HSPG2: variants seen among roughly 807,000 people sequenced by gnomAD.
HSPG2 encodes the protein heparan sulfate proteoglycan 2.
HSPG2 carries 278 observed loss-of-function variants against 526.6 expected under a neutral mutation model. The ratio of observed to expected loss-of-function variants is 0.53; its 90% CI spans 0.48 to 0.58. The LOEUF (loss-of-function observed/expected upper bound fraction) is 0.58, where lower values mean the gene tolerates loss of function less well. Among genes scored for constraint, HSPG2 ranks in the 20% least tolerant of loss-of-function variants. The probability of loss-of-function intolerance (pLI) is 0.00; values close to 1 mark genes in which losing one functional copy is unlikely to be tolerated. For synonymous variants in HSPG2, 2,465 were observed against 2,555.4 expected (o/e 0.96, Z 1.07); for missense variants, 5,354 against 6,099.5 (o/e 0.88, Z 4.07).
At chr1:21,863,378 AAAAGAAAAAG>A (rs1263273494) in intron 37 of HSPG2, among the ~76,000 whole-genome samples, 2 of 152,062 alleles carry the variant, frequency 1.3e-5, no homozygotes, top group African/African-American at 4.8e-5. Flanking sequence ...CTTGAAAAAA[AAAAGAAAAAG>A]AAAAGAAAAA....
intron 9 of HSPG2, among the ~76,000 whole-genome samples, chr1:21,885,894 T>C (rs1572362107): frequency 1.3e-5 from 2 of 152,228 alleles, no homozygotes; most frequent in African/African-American, 4.8e-5. Context: ...CGACGGTCTG[T>C]GCTCCCACTG....
intron 33 of HSPG2, among the ~76,000 whole-genome samples, chr1:21,866,073 C>T (rs932415836): frequency 3.9e-5 from 6 of 152,290 alleles, no homozygotes; most frequent in South Asian, 4.1e-4. Flanking sequence ...CATTGCCTGA[C>T]GGTGCCGGCG....
At chr1:21,896,436 T>G in intron 1 of HSPG2, 126 bp from the exon 2 acceptor site, 1 of 1,182,040 alleles carries the variant, frequency 8.5e-7, no homozygotes, top group Non-Finnish European at 1.2e-6. Flanking sequence ...AAATTTGACT[T>G]AGTATGGCTC....
At chr1:21,835,514 GC>G in intron 76 of HSPG2, 25 bp downstream of exon 76, 1 of 1,496,020 alleles carries the variant, frequency 6.7e-7, no homozygotes. Flanking sequence ...CCTGCTCTTA[GC>G]AGAGGCCTGA....
intron 1 of HSPG2, among the ~76,000 whole-genome samples, chr1:21,897,496 G>A (rs188767456): frequency 1.7e-4 from 26 of 152,042 alleles, no homozygotes; most frequent in South Asian, 4.2e-4. Context: ...CTCTCACGCC[G>A]GGCCCTCTGC....
chr1:21,824,669 A>T lies in HSPG2; in HGVS notation c.12665+35T>A, dbSNP rs555688147. On this transcript the variant is annotated intron_variant, in intron 92 of 96. Coordinates refer to ENST00000374695, the MANE Select transcript of HSPG2 (RefSeq NM_005529.7). The surrounding 1 kb of genome is among the most constrained non-coding windows in gnomAD (Gnocchi z 5.9). ...GAAGTCCCAGATTCCCATCCTCCCC[A>T]TTAGGCCCATGGGCCCTTCCAATGC... The T allele has an allele frequency of 2.5e-6, 4 of 1,613,220 alleles. No individual in the cohort carries two copies. In the African/African-American group the frequency reaches 4.0e-5, roughly 16 times the overall value.
chr1:21,879,907 C>A (rs1311995155), intron 17 of HSPG2, among the ~76,000 whole-genome samples, 200 bp downstream of exon 17: 1 of 152,216 alleles, frequency 6.6e-6, no homozygotes. Flanking sequence ...CCCATCTAGG[C>A]TTCCCAAAGT....
rs372621331 is a variant in HSPG2 at position 21,876,493 on chromosome 1, G to A, written c.2826+19C>T. On this transcript the variant is annotated intron_variant, in intron 22 of 96. Transcript: ENST00000374695. Reference sequence around the variant, plus strand: ...GGCCCAGGGCTTGGCGGTCCTGCCCGCCCACCTTGCAGAGGTACCTGGGCA... The same window carrying A: ...GGCCCAGGGCTTGGCGGTCCTGCCCACCCACCTTGCAGAGGTACCTGGGCA... The A allele has an allele frequency of 3.8e-5, 61 of 1,613,640 alleles. No homozygotes were observed. The highest frequency in any genetic ancestry group is 4.2e-5 in the Non-Finnish European group (50 of 1,179,816).
At chr1:21,926,582 G>C (rs1644197304) in intron 1 of HSPG2, among the ~76,000 whole-genome samples, 1 of 151,916 alleles carries the variant, frequency 6.6e-6, no homozygotes, top group South Asian at 2.1e-4. Context: ...GTGAAAGCCT[G>C]TCTCTACTAA....
Position 21,847,880 on chromosome 1 carries a change from A to G in HSPG2, c.7874-40T>C, listed in dbSNP as rs561622326. ...GTGTGGACCACGCAGCCAGAGTGAG[A>G]TAACAGTGATGGCACCGGGGACCTC... On this transcript the variant is annotated intron_variant, in intron 60 of 96. Transcript: ENST00000374695. The surrounding 1 kb of genome is among the most constrained non-coding windows in gnomAD (Gnocchi z 4.1). The G allele has an allele frequency of 4.8e-5, 77 of 1,613,658 alleles. No individual in the cohort carries two copies. Among genetic ancestry groups the G allele is most frequent in the Non-Finnish European group, 6.2e-5 (73 of 1,180,006 alleles).
chr1:21,872,285 T>G lies in HSPG2; in HGVS notation c.4122A>C (p.Glu1374Asp). Residue 1374 changes from glutamate (E) to aspartate (D), a missense_variant, in exon 33 of 97, where the codon GAA (glutamate) becomes GAC (aspartate). Transcript: ENST00000374695. This position sits in a 1 kb window ranked among gnomAD's most constrained non-coding sequence, Gnocchi z 5.5. ...AGAGCTGGGCACCCTCGGGCACGGG[T>G]TCCACAGTGAATTCTCCTGTCAGGC... Reference protein sequence around the residue: ...NSRLTGEFTVEPVPEGAQLSF... With the variant: ...NSRLTGEFTVDPVPEGAQLSF... The G allele has an allele frequency of 6.4e-7, 1 of 1,564,048 alleles. No individual in the cohort carries two copies. Among genetic ancestry groups the G allele is most frequent in the South Asian group, 1.2e-5 (1 of 84,778 alleles).
intron 76 of HSPG2, chr1:21,835,209 G>T: frequency 1.7e-6 from 1 of 605,338 alleles, no homozygotes. Context: ...CCACAGCCTA[G>T]AATTCATGCG....
chr1:21,859,953 C>T lies in HSPG2; in HGVS notation c.5064G>A (p.Val1688=). 1.2e-6 allele frequency: 2 copies of T among 1,610,852 alleles called. No homozygotes were observed. Among genetic ancestry groups the T allele is most frequent in the Non-Finnish European group, 1.7e-6 (2 of 1,179,452 alleles). ...GCAGGGAGTGGGAGCCACCTTGGGG[C>T]ACTATGCTTCGAGCAGGATGGACCT... ...VVEVHPARSI[V]PQGGSHSLRC... is the part of the protein sequence containing the mutation. Residue 1688 remains valine (V), a synonymous_variant, in exon 41 of 97, where the codon GTG becomes GTA. Coordinates refer to ENST00000374695, the MANE Select transcript of HSPG2 (RefSeq NM_005529.7). The surrounding 1 kb of genome is among the most constrained non-coding windows in gnomAD (Gnocchi z 5.3).
Position 21,847,901 on chromosome 1 carries a change from A to G in HSPG2, c.7873+57T>C, listed in dbSNP as rs1357220304. On this transcript the variant is annotated intron_variant, in intron 60 of 96. Coordinates refer to ENST00000374695, the MANE Select transcript of HSPG2 (RefSeq NM_005529.7). This position sits in a 1 kb window ranked among gnomAD's most constrained non-coding sequence, Gnocchi z 4.1. ...TGAGATAACAGTGATGGCACCGGGG[A>G]CCTCTCTGCCACCCTCTGCGCCACT... 1 of 1,613,354 alleles carries G rather than the reference A, an allele frequency of 6.2e-7. No individual in the cohort carries two copies.
Position 21,860,177 on chromosome 1 carries a change from T to G in HSPG2, c.5014A>C (p.Thr1672Pro). The change falls in exon 40 of 97, where the codon ACA becomes CCA. Residue 1672 changes from threonine (T) to proline (P), a missense_variant and splice_region_variant. Thr to Pro is a conservative substitution (Grantham distance 38). Transcript: ENST00000374695. ...CATCCTGGGCCATGGTCCCACTTAC[T>G]CTCTGGCAGGCACTGGCCCCCTTGC... ...SVQGGQCLPE[T>P]NQAPLVVEVH... is the part of the protein sequence containing the mutation. 3 of 1,613,770 alleles carry G rather than the reference T, an allele frequency of 1.9e-6. No homozygotes were observed. Among genetic ancestry groups the G allele is most frequent in the Non-Finnish European group, 2.5e-6 (3 of 1,179,898 alleles).
At chr1:21,862,487 G>A (rs1261145413) in intron 37 of HSPG2, among the ~76,000 whole-genome samples, 2 of 150,696 alleles carry the variant, frequency 1.3e-5, no homozygotes, top group Non-Finnish European at 2.9e-5. Context: ...AGGAGGCTGA[G>A]GCAGGAGAGT....
At position 21,832,618 on chromosome 1, in the gene HSPG2, C is replaced by A. The variant is rs979441342; in HGVS notation, c.11096-12G>T. On this transcript the variant is annotated splice_polypyrimidine_tract_variant and intron_variant, in intron 80 of 96. Transcript: ENST00000374695. ...GTACAGCAGCATCCCTGGGTGGGCA[C>A]CACTGTGTAAGGGGCCCCCTTCCAG... 3 of 1,610,136 alleles carry A rather than the reference C, an allele frequency of 1.9e-6. No homozygotes were observed. Among genetic ancestry groups the A allele is most frequent in the South Asian group, 1.1e-5 (1 of 90,996 alleles).
rs760435308 is a variant in HSPG2, at chr1:21,838,837, G to A, written c.10138C>T (p.Leu3380=). The A allele has an allele frequency of 1.2e-6, 2 of 1,612,254 alleles. No homozygotes were observed. Among genetic ancestry groups the A allele is most frequent in the African/African-American group, 2.7e-5 (2 of 74,938 alleles). The stretch of plus-strand genomic sequence containing the variant: ...CGGGGCTGCTTACCTTGGACGAGCA[G>A]CTGGGCAAAGGCCTCGGCTGAGCCC... ...KVGSAEAFAQ[L]LVQGPPGSLP... Residue 3380 remains leucine (L), a synonymous_variant, in exon 74 of 97, where the codon CTG becomes TTG. Coordinates refer to ENST00000374695, the MANE Select transcript of HSPG2 (RefSeq NM_005529.7).
At position 21,830,098 on chromosome 1, in the gene HSPG2, G is replaced by A. The variant is rs1572150433; in HGVS notation, c.11672-7C>T. The A allele has an allele frequency of 6.3e-7, 1 of 1,585,726 alleles. No homozygotes were observed. The highest frequency in any genetic ancestry group is 8.6e-7 in the Non-Finnish European group (1 of 1,167,178). On this transcript the variant is annotated splice_region_variant and splice_polypyrimidine_tract_variant and intron_variant, in intron 85 of 96. Coordinates refer to ENST00000374695, the MANE Select transcript of HSPG2 (RefSeq NM_005529.7). ...GCGTCGGGCCCACAGGCCTCTGGGG[G>A]GCACATAGGCCAGTGAAAAGACACG...
Sources: allele counts gnomAD v4.1 joint callset (sites outside exome capture counted in the v4.1 genomes callset), GRCh38; gene constraint gnomAD v4.1.1; non-coding constraint Gnocchi (gnomAD v3.1); transcripts MANE v1.5; gene names NCBI Gene and HGNC (gene_info 2026-07-23, HGNC 2026-07-21).